Variants in GLB1 observed in about 807,000 individuals in gnomAD.
The protein encoded by GLB1 is beta-galactosidase.
In GLB1, 56 loss-of-function variants were observed where a neutral mutation model predicts 74.0. The ratio of observed to expected loss-of-function variants is 0.76; its 90% CI spans 0.61 to 0.94. The LOEUF is 0.94. Among genes scored for constraint, GLB1 ranks in the 40% least tolerant of loss-of-function variants. The pLI, the probability that GLB1 is intolerant of heterozygous loss-of-function variation, is 0.00. For missense variants in GLB1, 787 were observed against 845.5 expected, an observed-to-expected ratio of 0.93 and a Z score of 0.86; for synonymous variants, 323 against 323.6, an observed-to-expected ratio of 1.00 and a Z score of 0.02.
At chr3:33,060,889 A>G (rs4423716) in intron 5 of GLB1, among the ~76,000 whole-genome samples, 75,632 of 151,894 alleles carry the variant, frequency 0.5, 21,782 homozygotes, top group Non-Finnish European at 0.62. Context: ...GAGTCAATAC[A>G]TGACTAGAAC....
intron 10 of GLB1, among the ~76,000 whole-genome samples, chr3:33,039,816 G>A (rs1363458747): frequency 6.6e-6 from 1 of 152,094 alleles, no homozygotes; most frequent in Non-Finnish European, 1.5e-5. Context: ...ACTATGCATA[G>A]GCATACCATA....
At chr3:32,988,242 G>GTT in the GLB1 span, among the ~76,000 whole-genome samples, 1 of 149,996 alleles carries the variant, frequency 6.7e-6, no homozygotes, top group Admixed American at 6.6e-5. Flanking sequence ...AAAGACCAAG[G>GTT]ACTTAAGTGA....
At position 33,040,684 on chromosome 3, in the gene GLB1, A is replaced by G. The variant is rs200271443; in HGVS notation, c.1068+5436T>C. Reference sequence around the variant, plus strand: ...TCAGTCAAAATCACAACACACACGCAGAAACAAGACACCATGAACAAGAGG... The same window carrying G: ...TCAGTCAAAATCACAACACACACGCGGAAACAAGACACCATGAACAAGAGG... On this transcript the variant is annotated intron_variant, in intron 10 of 15. Coordinates refer to ENST00000307363, the MANE Select transcript of GLB1 (RefSeq NM_000404.4). Among the ~76,000 whole-genome samples the G allele has an allele frequency of 7.9e-5, 12 of 152,298 alleles. No individual in the cohort carries two copies. In the East Asian group the frequency reaches 2.3e-3, roughly 29 times the overall value.
chr3:33,092,433 A>C, intron 1 of GLB1: 1 of 1,001,454 alleles, frequency 1.0e-6, no homozygotes, highest in Non-Finnish European at 1.2e-6. Context: ...CCTAAAGACA[A>C]TTTTAAAACA....
intron 1 of GLB1, among the ~76,000 whole-genome samples, chr3:33,089,023 G>C (rs1483982139): frequency 6.6e-6 from 1 of 152,168 alleles, no homozygotes; most frequent in Non-Finnish European, 1.5e-5. Context: ...AAGATCTCTT[G>C]ATGTTAGAAA....
the GLB1 span, among the ~76,000 whole-genome samples, chr3:32,984,524 T>C: frequency 1.3e-5 from 2 of 152,194 alleles, no homozygotes; most frequent in Non-Finnish European, 2.9e-5. Flanking sequence ...ATGCCTATAA[T>C]ACCAGCACGT....
Position 33,068,853 on chromosome 3 carries a change from C to T in GLB1, c.363G>A (p.Arg121=). ...ACTCTGCACAGATGTAGGGCCCGGG[C>T]CTCAGGATAACCAGCAGTCCCAGCT... ...AHELGLLVIL[R]PGPYICAEWE... The change falls in exon 3 of 16, where the codon AGG becomes AGA. Residue 121 remains arginine, a synonymous_variant. Coordinates refer to ENST00000307363, the MANE Select transcript of GLB1 (RefSeq NM_000404.4). 1 of 1,614,094 alleles carries T rather than the reference C, an allele frequency of 6.2e-7. No homozygotes were observed. The highest frequency in any genetic ancestry group is 8.5e-7 in the Non-Finnish European group (1 of 1,180,034).
intron 10 of GLB1, among the ~76,000 whole-genome samples, chr3:33,024,722 A>G (rs1204786974): frequency 6.6e-6 from 1 of 152,234 alleles, no homozygotes; most frequent in Non-Finnish European, 1.5e-5. Context: ...TTCTGTATCA[A>G]TGTTAAATTT....
chr3:32,964,445 T>C, the GLB1 span, among the ~76,000 whole-genome samples: 1 of 152,244 alleles, frequency 6.6e-6, no homozygotes, highest in South Asian at 2.1e-4. Flanking sequence ...ATCTGAGTCC[T>C]TAAGAACTTC....
At chr3:33,060,242 T>C (rs1699388136) in intron 5 of GLB1, among the ~76,000 whole-genome samples, 1 of 152,174 alleles carries the variant, frequency 6.6e-6, no homozygotes, top group South Asian at 2.1e-4. Context: ...GTTCAAGAAG[T>C]AAAACAGACT....
the GLB1 span, among the ~76,000 whole-genome samples, chr3:32,979,377 T>G: frequency 1.3e-5 from 2 of 152,184 alleles, no homozygotes; most frequent in East Asian, 3.8e-4. Flanking sequence ...TATCAACTTA[T>G]TAGTACTTGA....
At chr3:33,053,634 C>G in intron 6 of GLB1, 85 bp from the exon 7 acceptor site, 1 of 1,564,166 alleles carries the variant, frequency 6.4e-7, no homozygotes, top group African/African-American at 1.3e-5. Flanking sequence ...GGACTCGGGC[C>G]TGAAGCCCTG....
At position 33,096,609 on chromosome 3, in the gene GLB1, C is replaced by T. The variant is rs999606273; in HGVS notation, c.75+402G>A. The T allele has an allele frequency of 1.1e-5, 12 of 1,059,858 alleles. No individual in the cohort carries two copies. The East Asian group carries it at 9.3e-4, about 82-fold the overall frequency. The allele number at this position is 1,059,858 out of a possible 1,614,324, so 65.7% of individuals were successfully genotyped here. On this transcript the variant is annotated intron_variant, in intron 1 of 15. Coordinates refer to ENST00000307363, the MANE Select transcript of GLB1 (RefSeq NM_000404.4). Reference sequence around the variant, plus strand: ...TCTCCTTCCGGAGCGCTCCGCAGAGCACCAACTGGGAAAGCGAGGGCGCCC... The same window carrying T: ...TCTCCTTCCGGAGCGCTCCGCAGAGTACCAACTGGGAAAGCGAGGGCGCCC...
chr3:33,017,311 C>T (rs529846739), intron 13 of GLB1, among the ~76,000 whole-genome samples: 95 of 152,214 alleles, frequency 6.2e-4, no homozygotes, highest in African/African-American at 2.1e-3. Flanking sequence ...GCATTAACCA[C>T]GAAAATCATA....
chr3:33,077,153 C>G, intron 1 of GLB1: 1 of 1,448,364 alleles, frequency 6.9e-7, no homozygotes, highest in Non-Finnish European at 9.2e-7. Context: ...TCATTCGGTG[C>G]AGTCTTGGTA....
At chr3:33,053,395 G>T in intron 7 of GLB1, 96 bp downstream of exon 7, 1 of 1,577,904 alleles carries the variant, frequency 6.3e-7, no homozygotes. Flanking sequence ...GCTGACTCCA[G>T]AGCCAAAAAC....
rs978424505 is a variant in GLB1, at chr3:33,085,478, C to G, written c.75+11533G>C. ...TATTTGAATTGTAAATACTAGTATA[C>G]ACTTATGATTTTTTTTCTCTCTAAA... On this transcript the variant is annotated intron_variant, in intron 1 of 15. Coordinates refer to ENST00000307363, the MANE Select transcript of GLB1 (RefSeq NM_000404.4). Among the ~76,000 whole-genome samples, 16 of 151,892 alleles carry G rather than the reference C, an allele frequency of 1.1e-4. 1 individual carries two copies. The highest frequency in any genetic ancestry group is 1.9e-4 in the Non-Finnish European group (13 of 67,982).
chr3:32,997,906 C>T (rs1696382163), intron 15 of GLB1, among the ~76,000 whole-genome samples: 1 of 152,140 alleles, frequency 6.6e-6, no homozygotes, highest in Non-Finnish European at 1.5e-5. Flanking sequence ...AGACAGGTAC[C>T]AGGAGTGGTC....
rs1224520872 is a variant in GLB1 at position 33,044,505 on chromosome 3, G to A, written c.1068+1615C>T. ...ATAAAGGAAGGAAATAATAAAGATA[G>A]GAACAGAAAGCTTCAAAACAGAACA... On this transcript the variant is annotated intron_variant, in intron 10 of 15. Transcript: ENST00000307363. Among the ~76,000 whole-genome samples, 3 of 152,158 alleles carry A rather than the reference G, an allele frequency of 2.0e-5. No homozygotes were observed. The East Asian group carries it at 5.8e-4, about 29-fold the overall frequency.
Sources: gnomAD v4.1 joint callset for allele counts (sites outside exome capture counted in the v4.1 genomes callset) on GRCh38, gnomAD v4.1.1 for gene constraint, MANE v1.5 for transcripts, NCBI Gene and HGNC (gene_info 2026-07-23, HGNC 2026-07-21) for gene names.